Variants in DENND1A observed in about 807,000 individuals in gnomAD.
DENND1A encodes DENN domain containing 1A.
DENND1A carries 51 observed loss-of-function variants against 113.7 expected under a neutral mutation model. The observed-to-expected ratio is 0.45, with a 90% CI of 0.36 to 0.57. The LOEUF (loss-of-function observed/expected upper bound fraction) is 0.57. Ranked by LOEUF, DENND1A falls within the 20% of genes least tolerant of loss-of-function variation. The pLI, the probability that DENND1A is intolerant of heterozygous loss-of-function variation, is 0.00. For missense variants in DENND1A, 1,258 were observed against 1,395.9 expected (o/e 0.90, Z 1.57); for synonymous variants, 565 against 570.8 (o/e 0.99, Z 0.14).
At chr9:123,547,187 T>C (rs897906584) in intron 13 of DENND1A, among the ~76,000 whole-genome samples, 1 of 152,246 alleles carries the variant, frequency 6.6e-6, no homozygotes, top group Non-Finnish European at 1.5e-5. Flanking sequence ...AGGCAACAAA[T>C]GTTTTGATGA....
chr9:123,443,541 A>G (rs1175122834), intron 18 of DENND1A, among the ~76,000 whole-genome samples: 1 of 152,244 alleles, frequency 6.6e-6, no homozygotes, highest in Admixed American at 6.5e-5. Flanking sequence ...GTTTCTTATA[A>G]AGTCCTGTGG....
intron 13 of DENND1A, among the ~76,000 whole-genome samples, chr9:123,525,951 G>A (rs2135192629): frequency 6.6e-6 from 1 of 151,822 alleles, no homozygotes; most frequent in Non-Finnish European, 1.5e-5. Flanking sequence ...GTAGAGACAG[G>A]GTCTATGTCA....
intron 5 of DENND1A, among the ~76,000 whole-genome samples, chr9:123,679,860 T>G (rs921675424): frequency 2.0e-5 from 3 of 152,098 alleles, no homozygotes; most frequent in African/African-American, 7.2e-5. Flanking sequence ...CTGCACCACC[T>G]TGGACATCTA....
At chr9:123,571,155 C>G (rs181757571) in intron 12 of DENND1A, among the ~76,000 whole-genome samples, 454 of 152,168 alleles carry the variant, frequency 3.0e-3, no homozygotes, top group Non-Finnish European at 5.1e-3. Flanking sequence ...GCATCTAGCA[C>G]AAAGCCGAGC....
intron 13 of DENND1A, among the ~76,000 whole-genome samples, chr9:123,470,251 G>A (rs1044268679): frequency 1.2e-4 from 19 of 152,142 alleles, no homozygotes; most frequent in Admixed American, 6.5e-5. Context: ...TGAGTGAGAC[G>A]GTGACGACCC....
intron 11 of DENND1A, among the ~76,000 whole-genome samples, chr9:123,599,615 C>T (rs1468791643): frequency 6.6e-6 from 1 of 152,206 alleles, no homozygotes; most frequent in Non-Finnish European, 1.5e-5. Context: ...AGCTCAGCGA[C>T]TTGCCCAAAT....
chr9:123,733,471 G>T (rs763805334), intron 5 of DENND1A, among the ~76,000 whole-genome samples: 1 of 152,046 alleles, frequency 6.6e-6, no homozygotes, highest in Non-Finnish European at 1.5e-5. Context: ...ATTTTTAGTA[G>T]AAACAGGGTC....
chr9:123,738,615 A>C (rs899452457), intron 5 of DENND1A, among the ~76,000 whole-genome samples: 1 of 152,212 alleles, frequency 6.6e-6, no homozygotes, highest in Non-Finnish European at 1.5e-5. Context: ...TGATGGAACA[A>C]GCCTCATATC....
At chr9:123,421,889 G>A (rs527605228) in intron 19 of DENND1A, among the ~76,000 whole-genome samples, 18 of 152,022 alleles carry the variant, frequency 1.2e-4, no homozygotes, top group East Asian at 7.7e-4. Flanking sequence ...CCCTGCCCCC[G>A]ATAAACCCCA....
chr9:123,462,302 T>G (rs1429224714), intron 13 of DENND1A, among the ~76,000 whole-genome samples: 1 of 152,236 alleles, frequency 6.6e-6, no homozygotes, highest in Non-Finnish European at 1.5e-5. Flanking sequence ...TACACTCAAA[T>G]TTTACAGAGG....
intron 2 of DENND1A, among the ~76,000 whole-genome samples, chr9:123,809,121 G>A (rs543259696): frequency 3.9e-5 from 6 of 152,320 alleles, no homozygotes; most frequent in Admixed American, 3.9e-4. Context: ...AACCTAGAAG[G>A]AACGGCACGA....
At chr9:123,559,984 G>A (rs535246120) in intron 12 of DENND1A, among the ~76,000 whole-genome samples, 1 of 144,596 alleles carries the variant, frequency 6.9e-6, no homozygotes, top group Admixed American at 6.8e-5. Context: ...GTGCTTTTAT[G>A]AACAAGGTTC....
Position 123,844,947 on chromosome 9 carries a change from G to A in DENND1A, c.88+34004C>T, listed in dbSNP as rs537550013. 1.1e-4 allele frequency among the ~76,000 whole-genome samples: 16 copies of A among 152,252 alleles called. No individual in the cohort carries two copies. The East Asian group carries it at 1.7e-3, about 17-fold the overall frequency. On this transcript the variant is annotated intron_variant, in intron 2 of 23. Transcript: ENST00000394215. ...TAATTTTCAACAAGGGGCCAGGCACGGTGGCTTATGCCTGTAATCCCAGCA... is the reference window on the plus strand; with the variant it reads ...TAATTTTCAACAAGGGGCCAGGCACAGTGGCTTATGCCTGTAATCCCAGCA...
Position 123,380,646 on chromosome 9 carries a change from T to TATC in DENND1A, c.*783_*785dup, listed in dbSNP as rs367617464. 1.4e-3 allele frequency: 210 copies of TATC among 152,470 alleles called. No individual in the cohort carries two copies. The highest frequency in any genetic ancestry group is 4.9e-3 in the African/African-American group (202 of 41,546). The allele number at this position is 152,470 out of a possible 1,614,324, so 9.4% of individuals were successfully genotyped here. ...TGACAGTGAGGGGAGTACCTGGAGG[T>TATC]ATCAGCGTGCCAGAGCTGGATGAGG... On this transcript the variant is annotated 3_prime_UTR_variant, in exon 24 of 24. Transcript: ENST00000394215.
At chr9:123,383,590 G>A (rs978609173) in intron 23 of DENND1A, 65 bp downstream of exon 23, 7 of 1,559,442 alleles carry the variant, frequency 4.5e-6, no homozygotes, top group Non-Finnish European at 6.1e-6. Flanking sequence ...TGTCACATGG[G>A]GATCCCACCT....
rs1163844269 is a variant in DENND1A at position 123,833,122 on chromosome 9, C to CAAA, written c.89-40495_89-40493dup. ...TCTGAACGATGGTGAGACCTCATCTCAAAAAAAAAAAAAAAAAAAAAAAAA... is the reference window on the plus strand; with the variant it reads ...TCTGAACGATGGTGAGACCTCATCTCAAAAAAAAAAAAAAAAAAAAAAAAAAAA... On this transcript the variant is annotated intron_variant, in intron 2 of 23. Transcript: ENST00000394215. Among the ~76,000 whole-genome samples, 45 of 27,558 alleles carry CAAA rather than the reference C, an allele frequency of 1.6e-3. 1 individual carries two copies. Among genetic ancestry groups the CAAA allele is most frequent in the African/African-American group, 4.0e-3 (36 of 8,894 alleles). 18.1% of individuals were successfully genotyped at this position (27,558 alleles called of 152,430 possible). A position where few individuals can be genotyped will look rare whatever the true frequency, so the allele number is the denominator to read the frequency against.
intron 11 of DENND1A, among the ~76,000 whole-genome samples, chr9:123,584,529 T>G (rs538966716): frequency 8.5e-5 from 13 of 152,364 alleles, no homozygotes; most frequent in Admixed American, 2.6e-4. Context: ...CAATGGCTGC[T>G]CAAGCTCCAG....
rs549510336 is a variant in DENND1A, at chr9:123,504,719, C to A, written c.994-46822G>T. On this transcript the variant is annotated intron_variant, in intron 13 of 23. Coordinates refer to ENST00000394215, the MANE Select transcript of DENND1A (RefSeq NM_001352964.2). ...GAAACTGAAGCCCAGAGAAGAGAGG[C>A]GCTCAGGCAGGGCCGGCACTCCTGA... Among the ~76,000 whole-genome samples, 23 of 152,282 alleles carry A rather than the reference C, an allele frequency of 1.5e-4. 1 individual carries two copies. In the South Asian group the frequency reaches 2.3e-3, roughly 15 times the overall value.
intron 9 of DENND1A, among the ~76,000 whole-genome samples, chr9:123,641,403 C>T (rs185159212): frequency 6.3e-5 from 9 of 142,710 alleles, no homozygotes; most frequent in African/African-American, 2.3e-4. Context: ...AATTTTCTGC[C>T]ATGGCAGAAA....
Sources: allele counts gnomAD v4.1 joint callset (sites outside exome capture counted in the v4.1 genomes callset), GRCh38; gene constraint gnomAD v4.1.1; transcripts MANE v1.5; gene names NCBI Gene and HGNC (gene_info 2026-07-23, HGNC 2026-07-21).